NT5DC3: variants seen among roughly 807,000 people sequenced by gnomAD.
NT5DC3 encodes 5'-nucleotidase domain containing 3, also known as 5'-nucleotidase domain-containing protein 3.
In NT5DC3, 42 loss-of-function variants were observed where a neutral mutation model predicts 67.8. The ratio of observed to expected loss-of-function variants is 0.62; its 90% CI spans 0.48 to 0.80. The LOEUF (loss-of-function observed/expected upper bound fraction) is 0.80, where lower values mean the gene tolerates loss of function less well. NT5DC3 is among the 30% of genes least tolerant of loss of function. The pLI is 0.00. For missense variants in NT5DC3, 570 were observed against 696.4 expected (o/e 0.82, Z 2.04); for synonymous variants, 237 against 255.6 (o/e 0.93, Z 0.69).
intron 2 of NT5DC3, among the ~76,000 whole-genome samples, chr12:103,814,168 G>A (rs147732971): frequency 6.6e-6 from 1 of 152,330 alleles, no homozygotes; most frequent in East Asian, 1.9e-4. Flanking sequence ...TTCCCAGCTT[G>A]TATTGCAGGG....
chr12:103,788,824 T>C lies in NT5DC3; in HGVS notation c.1101+14A>G, dbSNP rs1342847190. 2 of 1,560,950 alleles carry C rather than the reference T, an allele frequency of 1.3e-6. No individual in the cohort carries two copies. Among genetic ancestry groups the C allele is most frequent in the Admixed American group, 1.7e-5 (1 of 59,960 alleles). The stretch of plus-strand genomic sequence containing the variant: ...AAGCAAAGCAACAAAAAGGATCAGC[T>C]GGTCATGAGATACCTGCTTGTATAT... On this transcript the variant is annotated intron_variant, in intron 10 of 13. Coordinates refer to ENST00000392876, the MANE Select transcript of NT5DC3 (RefSeq NM_001031701.3).
chr12:103,822,483 G>C (rs1887531058), intron 1 of NT5DC3, among the ~76,000 whole-genome samples: 1 of 152,192 alleles, frequency 6.6e-6, no homozygotes, highest in Non-Finnish European at 1.5e-5. Flanking sequence ...TCAACAGGTG[G>C]AATTGCAAAT....
intron 1 of NT5DC3, among the ~76,000 whole-genome samples, chr12:103,837,515 T>G (rs1888201754): frequency 6.6e-6 from 1 of 152,238 alleles, no homozygotes; most frequent in South Asian, 2.1e-4. Flanking sequence ...CTTTTAAAAC[T>G]GAATGCCTTT....
intron 11 of NT5DC3, 110 bp from the exon 12 acceptor site, chr12:103,785,585 G>C: frequency 9.1e-7 from 1 of 1,094,638 alleles, no homozygotes; most frequent in Non-Finnish European, 1.4e-6. Flanking sequence ...TGATGGTAAT[G>C]GTTAGTTATT....
At chr12:103,760,159 C>T in the NT5DC3 span, among the ~76,000 whole-genome samples, 26 of 152,286 alleles carry the variant, frequency 1.7e-4, no homozygotes, top group African/African-American at 6.3e-4. Flanking sequence ...GTATTACCTG[C>T]TTTTAGGGAG....
rs575127446 is a variant in NT5DC3, at chr12:103,789,141, G to A, written c.1020-222C>T. 7.2e-5 allele frequency: 36 copies of A among 500,720 alleles called. No homozygotes were observed. The Admixed American group carries it at 8.9e-4, about 12-fold the overall frequency. 31.0% of individuals were successfully genotyped at this position (500,720 alleles called of 1,614,324 possible). On this transcript the variant is annotated intron_variant, in intron 9 of 13. Coordinates refer to ENST00000392876, the MANE Select transcript of NT5DC3 (RefSeq NM_001031701.3). Reference sequence around the variant, plus strand: ...TTCCACGAAAAAAAAGAATTCCAGGGGGCTGGGCGCAGTAGCTCACTCTTG... The same window carrying A: ...TTCCACGAAAAAAAAGAATTCCAGGAGGCTGGGCGCAGTAGCTCACTCTTG...
chr12:103,750,670 A>G, the NT5DC3 span: 1 of 1,614,134 alleles, frequency 6.2e-7, no homozygotes, highest in Non-Finnish European at 8.5e-7. Context: ...TGCTTACAGG[A>G]CAATGGGCAG....
intron 2 of NT5DC3, among the ~76,000 whole-genome samples, chr12:103,814,712 T>A (rs1887173520): frequency 6.6e-6 from 1 of 152,214 alleles, no homozygotes; most frequent in Non-Finnish European, 1.5e-5. Context: ...TCTCCACTAA[T>A]GCACATCTTG....
chr12:103,799,493 C>T (rs11111791), intron 4 of NT5DC3, among the ~76,000 whole-genome samples: 3 of 152,016 alleles, frequency 2.0e-5, no homozygotes, highest in Non-Finnish European at 2.9e-5. Context: ...GTAAAGCATG[C>T]CTTTCGCCTT....
chr12:103,834,798 C>T (rs373142780), intron 1 of NT5DC3, among the ~76,000 whole-genome samples: 12 of 152,238 alleles, frequency 7.9e-5, no homozygotes, highest in South Asian at 6.2e-4. Context: ...ACTCTGGGAG[C>T]CTTTTAAAGG....
intron 1 of NT5DC3, 83 bp downstream of exon 1, chr12:103,840,866 G>A (rs1888388897): frequency 4.1e-6 from 3 of 737,246 alleles, no homozygotes; most frequent in Non-Finnish European, 5.7e-6. Flanking sequence ...AGCTGGGCTG[G>A]TCCGGGTCCT....
intron 1 of NT5DC3, among the ~76,000 whole-genome samples, chr12:103,822,321 A>T (rs184963549): frequency 7.5e-4 from 114 of 152,334 alleles, no homozygotes; most frequent in African/African-American, 2.5e-3. Context: ...AGACCAAAAA[A>T]TTGAAAAGAC....
At chr12:103,807,709 T>C (rs1209676433) in intron 2 of NT5DC3, among the ~76,000 whole-genome samples, 3 of 152,246 alleles carry the variant, frequency 2.0e-5, no homozygotes, top group Non-Finnish European at 2.9e-5. Context: ...AAGTCTCATC[T>C]TGAATTGTAG....
At chr12:103,794,767 ACCACCAGCAGGG>A (rs909768698) in intron 6 of NT5DC3, among the ~76,000 whole-genome samples, 3 of 152,232 alleles carry the variant, frequency 2.0e-5, no homozygotes, top group Non-Finnish European at 2.9e-5. Flanking sequence ...TCTCTTTGGT[ACCACCAGCAGGG>A]CAACGAACTG....
the NT5DC3 span, chr12:103,748,887 G>C: frequency 6.7e-7 from 1 of 1,486,240 alleles, no homozygotes; most frequent in Non-Finnish European, 9.1e-7. Context: ...TAGTGCTGTG[G>C]TGCCCCATAC....
At chr12:103,747,111 C>T in the NT5DC3 span, among the ~76,000 whole-genome samples, 13 of 152,062 alleles carry the variant, frequency 8.5e-5, no homozygotes, top group East Asian at 1.7e-3. Context: ...CATGCGCCAC[C>T]GCACCTGGCT....
chr12:103,800,479 C>T (rs560801684), intron 4 of NT5DC3, among the ~76,000 whole-genome samples: 16 of 152,346 alleles, frequency 1.1e-4, no homozygotes, highest in Non-Finnish European at 2.4e-4. Context: ...GTGATTCAGC[C>T]GGGTCAGAGT....
intron 11 of NT5DC3, among the ~76,000 whole-genome samples, chr12:103,786,349 TGAA>T (rs1298318511): frequency 6.6e-6 from 1 of 152,156 alleles, no homozygotes; most frequent in African/African-American, 2.4e-5. Flanking sequence ...AGATTCTGGC[TGAA>T]GAACAGCAAG....
chr12:103,821,471 G>A (rs930831048), intron 1 of NT5DC3, among the ~76,000 whole-genome samples: 1 of 152,186 alleles, frequency 6.6e-6, no homozygotes, highest in Non-Finnish European at 1.5e-5. Context: ...CTAGTTTGAG[G>A]CAGACATGGG....
Sources: gnomAD v4.1 joint callset for allele counts (sites outside exome capture counted in the v4.1 genomes callset) on GRCh38, gnomAD v4.1.1 for gene constraint, MANE v1.5 for transcripts, NCBI Gene and HGNC (gene_info 2026-07-23, HGNC 2026-07-21) for gene names.